Variants in ARMH3 observed in about 807,000 individuals in gnomAD.
The protein encoded by ARMH3 is armadillo-like helical domain-containing protein 3.
ARMH3 carries 60 observed loss-of-function variants against 99.1 expected under a neutral mutation model. The observed-to-expected ratio is 0.61, with a 90% confidence interval of 0.49 to 0.75. ARMH3 has a LOEUF of 0.75. ARMH3 is among the 30% of genes least tolerant of loss of function. The probability of loss-of-function intolerance (pLI) is 0.00; values close to 1 mark genes in which losing one functional copy is unlikely to be tolerated. For synonymous variants in ARMH3, 285 were observed against 292.8 expected (o/e 0.97, Z 0.27); for missense variants, 679 against 843.1 (o/e 0.81, Z 2.41).
chr10:101,935,557 T>C (rs996084370), intron 23 of ARMH3, among the ~76,000 whole-genome samples: 2 of 152,168 alleles, frequency 1.3e-5, no homozygotes, highest in Non-Finnish European at 2.9e-5. Context: ...AGGGAGACAC[T>C]ACCTTACAGT....
intron 12 of ARMH3, 24 bp downstream of exon 12, chr10:102,009,953 T>C (rs780703416): frequency 6.2e-7 from 1 of 1,610,320 alleles, no homozygotes; most frequent in Non-Finnish European, 8.5e-7. Context: ...TCCAAGTCAC[T>C]GCACAAGAAT....
intron 6 of ARMH3, 96 bp downstream of exon 6, chr10:102,025,060 A>AT: frequency 1.9e-6 from 2 of 1,047,698 alleles, no homozygotes; most frequent in Non-Finnish European, 2.9e-6. Context: ...CATTGAGAAT[A>AT]TTTCTTCTCT....
At chr10:101,977,218 T>G (rs1846051542) in intron 19 of ARMH3, among the ~76,000 whole-genome samples, 1 of 152,210 alleles carries the variant, frequency 6.6e-6, no homozygotes, top group South Asian at 2.1e-4. Context: ...TATTCACATC[T>G]CAATGACATA....
intron 4 of ARMH3, among the ~76,000 whole-genome samples, chr10:102,031,763 G>A (rs904345847): frequency 2.0e-5 from 3 of 151,152 alleles, no homozygotes; most frequent in Non-Finnish European, 2.9e-5. Flanking sequence ...TTTTTGAGAC[G>A]GAGTCTCGCT....
Position 101,881,089 on chromosome 10 carries a change from C to T in ARMH3, c.1860+8323G>A, listed in dbSNP as rs1396303984. Among the ~76,000 whole-genome samples the T allele has an allele frequency of 2.6e-4, 39 of 152,144 alleles. 1 individual carries two copies. The highest frequency in any genetic ancestry group is 2.5e-3 in the Admixed American group (38 of 15,262). On this transcript the variant is annotated intron_variant, in intron 24 of 25. Transcript: ENST00000370033. ...TTTCCTTAATTTTCTTTAACCTACT[C>T]CCACAAATGAATAACCTGTTTTGTC...
intron 23 of ARMH3, among the ~76,000 whole-genome samples, chr10:101,931,466 A>G (rs1227502156): frequency 2.0e-5 from 3 of 151,824 alleles, no homozygotes; most frequent in Non-Finnish European, 4.4e-5. Context: ...TGGAGGTTGC[A>G]GTGAGCTAAG....
intron 23 of ARMH3, among the ~76,000 whole-genome samples, chr10:101,910,737 A>C (rs1289903794): frequency 1.3e-5 from 2 of 151,578 alleles, no homozygotes; most frequent in Non-Finnish European, 2.9e-5. Context: ...ATCTCAAAAA[A>C]AAAAAAAAAA....
chr10:101,947,837 A>C (rs928773301), intron 22 of ARMH3, among the ~76,000 whole-genome samples: 1 of 151,252 alleles, frequency 6.6e-6, no homozygotes, highest in Non-Finnish European at 1.5e-5. Context: ...ATAAATAAAT[A>C]GACCCTATAT....
intron 19 of ARMH3, among the ~76,000 whole-genome samples, chr10:101,978,655 A>T (rs1392015102): frequency 6.6e-6 from 1 of 152,178 alleles, no homozygotes; most frequent in Non-Finnish European, 1.5e-5. Flanking sequence ...AACTAAAAAA[A>T]TTAGGCCAGG....
intron 23 of ARMH3, among the ~76,000 whole-genome samples, chr10:101,928,509 A>T (rs1843592865): frequency 6.6e-6 from 1 of 152,132 alleles, no homozygotes; most frequent in African/African-American, 2.4e-5. Context: ...CGAGATACAA[A>T]AGACAGGGCA....
At chr10:101,965,020 A>T (rs1845475404) in intron 20 of ARMH3, among the ~76,000 whole-genome samples, 1 of 149,832 alleles carries the variant, frequency 6.7e-6, no homozygotes, top group Non-Finnish European at 1.5e-5. Flanking sequence ...TCAAAAAAAG[A>T]AAAAAAAAAG....
At chr10:101,968,222 G>T (rs913813721) in intron 20 of ARMH3, among the ~76,000 whole-genome samples, 1 of 151,998 alleles carries the variant, frequency 6.6e-6, no homozygotes, top group Admixed American at 6.6e-5. Context: ...CTCTAACCAA[G>T]CATGCTCAGG....
chr10:101,974,539 G>C (rs1043234606), intron 20 of ARMH3, among the ~76,000 whole-genome samples: 1 of 152,172 alleles, frequency 6.6e-6, no homozygotes, highest in Non-Finnish European at 1.5e-5. Context: ...TCACACAAAA[G>C]AAAGGGGTGG....
intron 19 of ARMH3, among the ~76,000 whole-genome samples, chr10:101,981,602 T>A (rs913474828): frequency 6.6e-6 from 1 of 152,260 alleles, no homozygotes; most frequent in Non-Finnish European, 1.5e-5. Context: ...TGCTACCTTA[T>A]TAGCTTATTC....
At chr10:101,947,223 A>G (rs1178623591) in intron 22 of ARMH3, among the ~76,000 whole-genome samples, 1 of 152,006 alleles carries the variant, frequency 6.6e-6, no homozygotes, top group Non-Finnish European at 1.5e-5. Flanking sequence ...AAAACAACAT[A>G]CTACAAACAA....
At chr10:101,947,737 T>C (rs758563219) in intron 22 of ARMH3, among the ~76,000 whole-genome samples, 20 of 151,488 alleles carry the variant, frequency 1.3e-4, no homozygotes, top group Non-Finnish European at 2.5e-4. Context: ...GAGGCAGAGG[T>C]TGCAGTGAGC....
chr10:102,041,090 A>ATAATATATAT (rs1554897209), intron 1 of ARMH3, among the ~76,000 whole-genome samples: 6 of 132,632 alleles, frequency 4.5e-5, no homozygotes, highest in East Asian at 2.0e-4. Context: ...ATATATATAT[A>ATAATATATAT]ATATATATAT....
chr10:101,971,467 G>T (rs1210852879), intron 20 of ARMH3, among the ~76,000 whole-genome samples: 1 of 151,886 alleles, frequency 6.6e-6, no homozygotes, highest in Non-Finnish European at 1.5e-5. Flanking sequence ...GCTACTTGGG[G>T]CAGGAGCTGA....
chr10:101,895,139 A>G (rs986849562), intron 23 of ARMH3, among the ~76,000 whole-genome samples: 1 of 152,190 alleles, frequency 6.6e-6, no homozygotes, highest in Non-Finnish European at 1.5e-5. Context: ...GGGAAAAAAT[A>G]GTCTTTTCAA....
Sources: gnomAD v4.1 joint callset for allele counts (sites outside exome capture counted in the v4.1 genomes callset) on GRCh38, gnomAD v4.1.1 for gene constraint, MANE v1.5 for transcripts, NCBI Gene and HGNC (gene_info 2026-07-23, HGNC 2026-07-21) for gene names.